ANO2: variants seen among roughly 807,000 people sequenced by gnomAD.
ANO2 encodes the protein anoctamin-2.
ANO2 carries 101 observed loss-of-function variants against 124.2 expected under a neutral mutation model. The ratio of observed to expected loss-of-function variants is 0.81; its 90% CI spans 0.69 to 0.96. ANO2 has a LOEUF of 0.96. Ranked by LOEUF, ANO2 falls within the 40% of genes least tolerant of loss-of-function variation. ANO2 has a pLI of 0.00. For missense variants in ANO2, 1,293 were observed against 1,274.5 expected (o/e 1.01, Z -0.22); for synonymous variants, 486 against 482.5 (o/e 1.01, Z -0.09).
chr12:5,567,980 TA>T (rs1941871910), intron 23 of ANO2, among the ~76,000 whole-genome samples: 1 of 152,182 alleles, frequency 6.6e-6, no homozygotes, highest in Non-Finnish European at 1.5e-5. Context: ...GCTAACTTTA[TA>T]AAAACTATGA....
At chr12:5,895,281 G>A (rs1215210592) in intron 3 of ANO2, among the ~76,000 whole-genome samples, 2 of 152,028 alleles carry the variant, frequency 1.3e-5, no homozygotes, top group African/African-American at 4.8e-5. Flanking sequence ...TCATGATTTG[G>A]CTCTCTGTTT....
In ANO2 at chr12:5,944,265, C is replaced by A. The variant is rs928469376; in HGVS notation, c.22+931G>T. 3.8e-4 allele frequency among the ~76,000 whole-genome samples: 58 copies of A among 152,316 alleles called. 1 individual carries two copies. The highest frequency in any genetic ancestry group is 3.4e-3 in the Middle Eastern group (1 of 294). On this transcript the variant is annotated intron_variant, in intron 1 of 24. Coordinates refer to ENST00000682330, the MANE Select transcript of ANO2 (RefSeq NM_001364791.2). ...CCACAGTCCTCTGGAAGCACCTTCA[C>A]CTTGTCTAAGATCCTCCCTCCACCT...
At chr12:5,767,177 C>T (rs1309802300) in intron 10 of ANO2, among the ~76,000 whole-genome samples, 1 of 152,194 alleles carries the variant, frequency 6.6e-6, no homozygotes, top group Admixed American at 6.5e-5. Context: ...GTCAGGCTTT[C>T]CTGGTCCCTC....
chr12:5,747,688 T>C (rs11063845), intron 11 of ANO2, among the ~76,000 whole-genome samples: 20,931 of 152,100 alleles, frequency 0.14, 1,708 homozygotes, highest in African/African-American at 0.23. Flanking sequence ...AACACACTTA[T>C]AAAAATGAAA....
At chr12:5,759,013 A>G (rs776554697) in intron 10 of ANO2, among the ~76,000 whole-genome samples, 15 of 152,214 alleles carry the variant, frequency 9.9e-5, no homozygotes, top group Admixed American at 3.9e-4. Flanking sequence ...AAGAGTGAGG[A>G]AAAACAAATC....
intron 14 of ANO2, among the ~76,000 whole-genome samples, chr12:5,711,961 G>A (rs966563074): frequency 2.0e-5 from 3 of 152,074 alleles, no homozygotes; most frequent in East Asian, 1.9e-4. Context: ...CCAAGCACAC[G>A]TATATCAGCC....
At chr12:5,565,937 A>G (rs1941723638) in intron 23 of ANO2, among the ~76,000 whole-genome samples, 1 of 152,218 alleles carries the variant, frequency 6.6e-6, no homozygotes, top group Non-Finnish European at 1.5e-5. Context: ...CTTTGGTGTC[A>G]GGCATCAACT....
At chr12:5,920,251 C>T (rs927372396) in intron 3 of ANO2, among the ~76,000 whole-genome samples, 1 of 152,070 alleles carries the variant, frequency 6.6e-6, no homozygotes, top group Middle Eastern at 3.2e-3. Flanking sequence ...ACTCAGTTTC[C>T]AAATACATCT....
At chr12:5,574,866 C>T (rs1305098913) in intron 23 of ANO2, among the ~76,000 whole-genome samples, 1 of 152,192 alleles carries the variant, frequency 6.6e-6, no homozygotes, top group Non-Finnish European at 1.5e-5. Context: ...TTCAGGACTT[C>T]CCATTATGTA....
At chr12:5,571,918 C>T (rs756188668) in intron 23 of ANO2, among the ~76,000 whole-genome samples, 16 of 152,120 alleles carry the variant, frequency 1.1e-4, no homozygotes, top group African/African-American at 3.4e-4. Flanking sequence ...ATCTAGGAAA[C>T]GCAGCCCCCA....
In ANO2 at chr12:5,604,746, A is replaced by T. The variant is rs923451078; in HGVS notation, c.2088-5117T>A. Among the ~76,000 whole-genome samples, 19 of 152,142 alleles carry T rather than the reference A, an allele frequency of 1.2e-4. No homozygotes were observed. In the East Asian group the frequency reaches 1.5e-3, roughly 12 times the overall value. ...TGGATATCCCAGTGACCATTAAAAA[A>T]AATAATAATAAAGGAAGTCCCTCCA... On this transcript the variant is annotated intron_variant, in intron 19 of 24. Coordinates refer to ENST00000682330, the MANE Select transcript of ANO2 (RefSeq NM_001364791.2).
At chr12:5,875,890 T>C (rs908239640) in intron 3 of ANO2, among the ~76,000 whole-genome samples, 3 of 151,720 alleles carry the variant, frequency 2.0e-5, no homozygotes, top group African/African-American at 7.3e-5. Context: ...TCAGAGCTCA[T>C]TCAGAGAAGA....
At chr12:5,670,722 T>C (rs1447971895) in intron 14 of ANO2, among the ~76,000 whole-genome samples, 4 of 152,058 alleles carry the variant, frequency 2.6e-5, no homozygotes, top group Admixed American at 6.6e-5. Context: ...AAAAATGTTA[T>C]AGAGATGAGG....
intron 23 of ANO2, among the ~76,000 whole-genome samples, chr12:5,575,049 C>T (rs1942320636): frequency 6.6e-6 from 1 of 152,158 alleles, no homozygotes; most frequent in Non-Finnish European, 1.5e-5. Flanking sequence ...CATGACTTTG[C>T]CCATGACGAC....
At chr12:5,813,624 TC>T in intron 7 of ANO2, among the ~76,000 whole-genome samples, 1 of 152,168 alleles carries the variant, frequency 6.6e-6, no homozygotes, top group Non-Finnish European at 1.5e-5. Flanking sequence ...CTCTGGATGC[TC>T]CTTATTCTCC....
chr12:5,891,711 C>G (rs1049768350), intron 3 of ANO2, among the ~76,000 whole-genome samples: 3 of 152,172 alleles, frequency 2.0e-5, no homozygotes, highest in African/African-American at 7.2e-5. Flanking sequence ...TTGATAGCAT[C>G]CATAGGATAG....
chr12:5,759,073 AT>A (rs1951661521), intron 10 of ANO2, among the ~76,000 whole-genome samples: 4 of 151,910 alleles, frequency 2.6e-5, no homozygotes, highest in Admixed American at 1.3e-4. Context: ...CACACATGTA[AT>A]TAGAGTTCCA....
At chr12:5,852,624 T>C (rs1002339028) in intron 4 of ANO2, among the ~76,000 whole-genome samples, 2 of 152,088 alleles carry the variant, frequency 1.3e-5, no homozygotes, top group African/African-American at 2.4e-5. Flanking sequence ...GTGAAAATGG[T>C]GTTGGCCAAC....
chr12:5,622,424 C>T (rs896686496), intron 16 of ANO2, among the ~76,000 whole-genome samples: 5 of 152,188 alleles, frequency 3.3e-5, no homozygotes, highest in Non-Finnish European at 5.9e-5. Flanking sequence ...TTCCAATAAA[C>T]GATCCAAATC....
Sources: allele counts gnomAD v4.1 joint callset (sites outside exome capture counted in the v4.1 genomes callset), GRCh38; gene constraint gnomAD v4.1.1; transcripts MANE v1.5; gene names NCBI Gene and HGNC (gene_info 2026-07-23, HGNC 2026-07-21).